Variants in LRRTM3 observed in about 807,000 individuals in gnomAD.
LRRTM3 encodes leucine rich repeat transmembrane neuronal 3.
Under a neutral mutation model 44.7 loss-of-function variants are expected in LRRTM3, and 24 were observed. The observed-to-expected ratio is 0.54, with a 90% CI of 0.39 to 0.76. The LOEUF is 0.76. Ranked by LOEUF, LRRTM3 falls within the 30% of genes least tolerant of loss-of-function variation. The pLI, the probability that LRRTM3 is intolerant of heterozygous loss-of-function variation, is 0.00. For synonymous variants in LRRTM3, 277 were observed against 278.7 expected, an observed-to-expected ratio of 0.99 and a Z score of 0.06; for missense variants, 587 against 702.2, an observed-to-expected ratio of 0.84 and a Z score of 1.85.
intron 2 of LRRTM3, among the ~76,000 whole-genome samples, chr10:67,087,804 T>C (rs1037944883): frequency 2.0e-5 from 3 of 152,066 alleles, no homozygotes; most frequent in Non-Finnish European, 4.4e-5. Context: ...TGTGATTTCT[T>C]CTCAGACTAT....
chr10:67,089,193 C>T (rs1241404608), intron 2 of LRRTM3, among the ~76,000 whole-genome samples: 1 of 151,910 alleles, frequency 6.6e-6, no homozygotes, highest in East Asian at 1.9e-4. Flanking sequence ...TACTTGTGAC[C>T]TCAGAATAGT....
intron 2 of LRRTM3, among the ~76,000 whole-genome samples, chr10:67,089,717 ATG>A (rs71006125): frequency 0.042 from 6,087 of 144,618 alleles, 179 homozygotes; most frequent in East Asian, 0.095. Flanking sequence ...GTATATACAT[ATG>A]TGTGTGTGTG....
At chr10:67,041,027 C>A (rs1169087997) in intron 2 of LRRTM3, among the ~76,000 whole-genome samples, 7 of 151,896 alleles carry the variant, frequency 4.6e-5, no homozygotes, top group Non-Finnish European at 1.0e-4. Flanking sequence ...GGAGAAAAAG[C>A]AGATCTTTTT....
At chr10:67,024,530 A>G (rs1268425738) in intron 2 of LRRTM3, among the ~76,000 whole-genome samples, 1 of 152,228 alleles carries the variant, frequency 6.6e-6, no homozygotes, top group Non-Finnish European at 1.5e-5. Context: ...TTGGCCTACC[A>G]TAAGACCACG....
chr10:67,087,503 T>C, intron 2 of LRRTM3, among the ~76,000 whole-genome samples: 1 of 152,064 alleles, frequency 6.6e-6, no homozygotes, highest in South Asian at 2.1e-4. Context: ...ACACAATTCA[T>C]ACCTTCTCTA....
chr10:67,005,968 G>A (rs931153586), intron 2 of LRRTM3, among the ~76,000 whole-genome samples: 1 of 151,922 alleles, frequency 6.6e-6, no homozygotes, highest in African/African-American at 2.4e-5. Context: ...TTACAAGCGT[G>A]AGCCATCGCA....
At chr10:66,983,297 A>C (rs1850550173) in intron 2 of LRRTM3, among the ~76,000 whole-genome samples, 1 of 152,142 alleles carries the variant, frequency 6.6e-6, no homozygotes. Flanking sequence ...GCAAAGAATC[A>C]GGAGCTGGCA....
At chr10:67,064,413 T>A (rs1174452081) in intron 2 of LRRTM3, among the ~76,000 whole-genome samples, 1 of 152,128 alleles carries the variant, frequency 6.6e-6, no homozygotes, top group Non-Finnish European at 1.5e-5. Context: ...CCAAAATCTA[T>A]AGAATTTTCA....
chr10:67,006,152 T>G (rs1295086171), intron 2 of LRRTM3, among the ~76,000 whole-genome samples: 1 of 152,264 alleles, frequency 6.6e-6, no homozygotes, highest in East Asian at 1.9e-4. Flanking sequence ...GCCTGTTTCT[T>G]GCAGGGAAGC....
chr10:66,962,701 G>A (rs191433957), intron 2 of LRRTM3, among the ~76,000 whole-genome samples: 3 of 152,094 alleles, frequency 2.0e-5, no homozygotes, highest in Admixed American at 6.6e-5. Context: ...GTGAGCCACC[G>A]TGCCTGGCCC....
chr10:67,035,392 T>C (rs1853981421), intron 2 of LRRTM3, among the ~76,000 whole-genome samples: 1 of 152,184 alleles, frequency 6.6e-6, no homozygotes, highest in African/African-American at 2.4e-5. Flanking sequence ...TGGAATGACT[T>C]TATATTTATA....
intron 2 of LRRTM3, among the ~76,000 whole-genome samples, chr10:67,044,067 T>C (rs1424004155): frequency 1.3e-5 from 2 of 151,840 alleles, no homozygotes; most frequent in Admixed American, 6.6e-5. Flanking sequence ...TAGTACCAAA[T>C]AGGTAGTTTT....
At chr10:67,074,508 G>T (rs969102571) in intron 2 of LRRTM3, among the ~76,000 whole-genome samples, 2 of 151,342 alleles carry the variant, frequency 1.3e-5, no homozygotes, top group Admixed American at 6.6e-5. Context: ...CCACCACCAC[G>T]CCCGGCTAAT....
intron 2 of LRRTM3, among the ~76,000 whole-genome samples, chr10:66,973,872 T>G (rs1849870748): frequency 6.6e-6 from 1 of 152,168 alleles, no homozygotes; most frequent in Non-Finnish European, 1.5e-5. Context: ...TTTATCCCCC[T>G]CGGCCTCCCA....
In LRRTM3 at chr10:67,070,351, C is replaced by T. The variant is rs567434769; in HGVS notation, c.1537-27236C>T. ...ATATCTTCTCCCACTCTGTGACTGT[C>T]TTTTCATTCTCTTAATGGTATGTTT... On this transcript the variant is annotated intron_variant, in intron 2 of 2. Coordinates refer to ENST00000361320, the MANE Select transcript of LRRTM3 (RefSeq NM_178011.5). Among the ~76,000 whole-genome samples the T allele has an allele frequency of 1.2e-4, 19 of 152,164 alleles. No individual in the cohort carries two copies. In the South Asian group the frequency reaches 3.9e-3, roughly 32 times the overall value.
At chr10:66,985,239 T>C (rs1311003446) in intron 2 of LRRTM3, among the ~76,000 whole-genome samples, 3 of 152,198 alleles carry the variant, frequency 2.0e-5, no homozygotes, top group Non-Finnish European at 2.9e-5. Flanking sequence ...GGGTGATTTA[T>C]AGTAATATAG....
At chr10:66,963,110 T>C (rs1849208386) in intron 2 of LRRTM3, among the ~76,000 whole-genome samples, 1 of 152,194 alleles carries the variant, frequency 6.6e-6, no homozygotes. Flanking sequence ...ACCAAAATTA[T>C]TTTAAATGTG....
At chr10:66,948,657 A>G (rs1325290898) in intron 2 of LRRTM3, among the ~76,000 whole-genome samples, 10 of 152,220 alleles carry the variant, frequency 6.6e-5, no homozygotes, top group Non-Finnish European at 1.0e-4. Context: ...CCACAAGGAC[A>G]TGGGGTGTTC....
At chr10:66,978,147 C>T (rs1361229662) in intron 2 of LRRTM3, among the ~76,000 whole-genome samples, 1 of 151,760 alleles carries the variant, frequency 6.6e-6, no homozygotes, top group Non-Finnish European at 1.5e-5. Flanking sequence ...TGGGGAGTTG[C>T]TATTCAATAG....
Sources: allele counts gnomAD v4.1 joint callset (sites outside exome capture counted in the v4.1 genomes callset), GRCh38; gene constraint gnomAD v4.1.1; transcripts MANE v1.5; gene names NCBI Gene and HGNC (gene_info 2026-07-23, HGNC 2026-07-21).